CLASP1: variants seen among roughly 807,000 people sequenced by gnomAD.
CLASP1 encodes CLIP-associating protein 1.
A neutral mutation model predicts 192.3 loss-of-function variants in CLASP1; 38 were observed. The observed-to-expected ratio is 0.20, with a 90% confidence interval of 0.15 to 0.26. The LOEUF (loss-of-function observed/expected upper bound fraction) is 0.26. Ranked by LOEUF, CLASP1 falls within the 10% of genes least tolerant of loss-of-function variation. The pLI is 1.00. For missense variants in CLASP1, 1,433 were observed against 1,932.5 expected (o/e 0.74, Z 4.85); for synonymous variants, 691 against 712.8 (o/e 0.97, Z 0.49).
chr2:121,410,919 T>C lies in CLASP1; in HGVS notation c.2371A>G (p.Met791Val), dbSNP rs534675243. 1.2e-5 allele frequency: 19 copies of C among 1,612,164 alleles called. No homozygotes were observed. Among genetic ancestry groups the C allele is most frequent in the Admixed American group, 1.7e-5 (1 of 59,446 alleles). ...TCTGTACTTGTGCTCAGAACTCTCA[T>C]GGCATTCACAGAACCAGGTATTCTT... Residue 791 changes from methionine (M) to valine (V), a missense_variant, in exon 24 of 40, where the codon ATG (methionine) becomes GTG (valine). By Grantham distance (21) the Met-to-Val change is conservative. Around this residue, in one of 8 missense-constraint regions of CLASP1, gnomAD observed 445 missense variants for 535.5 expected, o/e 0.83. Coordinates refer to ENST00000263710, the Ensembl canonical transcript of CLASP1.
At chr2:121,589,540 G>T (rs547488073) in intron 2 of CLASP1, among the ~76,000 whole-genome samples, 1 of 150,718 alleles carries the variant, frequency 6.6e-6, no homozygotes, top group East Asian at 2.0e-4. Flanking sequence ...TGAGGCAGGA[G>T]AATTGCTTGA....
intron 33 of CLASP1, among the ~76,000 whole-genome samples, chr2:121,378,794 G>GT (rs1201879864): frequency 1.3e-5 from 2 of 152,108 alleles, no homozygotes; most frequent in African/African-American, 4.8e-5. Flanking sequence ...ATGCAACACT[G>GT]TTTAAGGACT....
chr2:121,582,609 G>C (rs1248185973), intron 2 of CLASP1, among the ~76,000 whole-genome samples: 3 of 149,382 alleles, frequency 2.0e-5, no homozygotes, highest in African/African-American at 7.4e-5. Flanking sequence ...GGAGGGAAGA[G>C]AAAAGGAAAG....
Position 121,530,900 on chromosome 2 carries a change from T to A in CLASP1, c.196-575A>T, listed in dbSNP as rs966589874. ...ATTATAACCATCCTTTTCTTGGGGTTGCGCTACTGTCCAATGAGCGCATAG... is the reference window on the plus strand; with the variant it reads ...ATTATAACCATCCTTTTCTTGGGGTAGCGCTACTGTCCAATGAGCGCATAG... On this transcript the variant is annotated intron_variant, in intron 2 of 39. Transcript: ENST00000263710. 1.4e-6 allele frequency: 1 copy of A among 695,668 alleles called. No individual in the cohort carries two copies. The highest frequency in any genetic ancestry group is 2.0e-5 in the Admixed American group (1 of 49,864). 43.1% of individuals were successfully genotyped at this position (695,668 alleles called of 1,614,324 possible). A position where few individuals can be genotyped will look rare whatever the true frequency, so the allele number is the denominator to read the frequency against.
chr2:121,478,770 CCCACACA>C (rs2092088204), intron 8 of CLASP1, among the ~76,000 whole-genome samples: 1 of 29,976 alleles, frequency 3.3e-5, no homozygotes, highest in Non-Finnish European at 6.8e-5. Context: ...CACCACACAC[CCCACACA>C]CACACCCCAC....
chr2:121,593,072 G>C (rs1395260527), intron 2 of CLASP1, among the ~76,000 whole-genome samples: 1 of 152,108 alleles, frequency 6.6e-6, no homozygotes, highest in East Asian at 1.9e-4. Flanking sequence ...TAGAAAGAGG[G>C]GAAAAAAGTA....
intron 3 of CLASP1, 73 bp downstream of exon 3, chr2:121,530,174 G>T: frequency 1.5e-6 from 2 of 1,359,860 alleles, no homozygotes; most frequent in Non-Finnish European, 2.0e-6. Context: ...GGGAGGGTTT[G>T]GGAGCCGGGG....
intron 34 of CLASP1, among the ~76,000 whole-genome samples, chr2:121,376,145 A>T (rs2070062339): frequency 6.6e-6 from 1 of 152,192 alleles, no homozygotes; most frequent in Non-Finnish European, 1.5e-5. Context: ...CTAAAAATGG[A>T]ACTACCACAC....
intron 32 of CLASP1, among the ~76,000 whole-genome samples, chr2:121,384,901 T>G (rs1450194489): frequency 1.3e-5 from 2 of 152,118 alleles, no homozygotes; most frequent in African/African-American, 4.8e-5. Flanking sequence ...AATTAATTAA[T>G]TAATTTGACT....
chr2:121,580,490 G>C (rs952608645), intron 2 of CLASP1, among the ~76,000 whole-genome samples: 2 of 152,030 alleles, frequency 1.3e-5, no homozygotes, highest in Non-Finnish European at 2.9e-5. Context: ...TTTCTTTCCA[G>C]ATCATTTTTC....
intron 2 of CLASP1, among the ~76,000 whole-genome samples, chr2:121,582,180 A>C (rs995440877): frequency 9.2e-5 from 14 of 151,864 alleles, no homozygotes; most frequent in Admixed American, 8.5e-4. Context: ...AAGGAAGGAA[A>C]AAAAGGAAAA....
At chr2:121,419,266 G>A (rs2079098808) in intron 22 of CLASP1, among the ~76,000 whole-genome samples, 1 of 152,182 alleles carries the variant, frequency 6.6e-6, no homozygotes, top group Admixed American at 6.5e-5. Flanking sequence ...ACCAAGAGAA[G>A]CCATAAGAGT....
intron 1 of CLASP1, among the ~76,000 whole-genome samples, chr2:121,607,064 G>T (rs187660652): frequency 6.6e-6 from 1 of 150,474 alleles, no homozygotes; most frequent in Non-Finnish European, 1.5e-5. Flanking sequence ...AAAAAAGGCC[G>T]GGTACGGTGG....
chr2:121,530,729 C>G (rs2094764269), intron 2 of CLASP1: 2 of 515,818 alleles, frequency 3.9e-6, no homozygotes, highest in African/African-American at 3.8e-5. Flanking sequence ...TCGGGAGCCT[C>G]AGAAAACAAA....
At chr2:121,370,865 A>G (rs562127170) in intron 34 of CLASP1, among the ~76,000 whole-genome samples, 1 of 152,196 alleles carries the variant, frequency 6.6e-6, no homozygotes, top group Non-Finnish European at 1.5e-5. Context: ...TCATCACAGT[A>G]TTTTTACACT....
chr2:121,448,423 CA>C (rs1425421308), intron 17 of CLASP1, 98 bp from the exon 18 acceptor site: 1 of 1,154,122 alleles, frequency 8.7e-7, no homozygotes, highest in African/African-American at 1.5e-5. Flanking sequence ...AGAATTATTT[CA>C]GAGTTTTCAG....
intron 2 of CLASP1, among the ~76,000 whole-genome samples, chr2:121,536,330 G>A (rs568970802): frequency 2.9e-5 from 4 of 135,642 alleles, no homozygotes; most frequent in Admixed American, 2.3e-4. Context: ...GCAGTGAGCC[G>A]AGATTGTGCC....
intron 37 of CLASP1, among the ~76,000 whole-genome samples, chr2:121,360,542 A>G (rs1445983359): frequency 6.6e-6 from 1 of 152,086 alleles, no homozygotes; most frequent in African/African-American, 2.4e-5. Context: ...AAATGGCAAG[A>G]AGGAATGGGA....
At chr2:121,357,419 C>A (rs1182399933) in intron 37 of CLASP1, among the ~76,000 whole-genome samples, 1 of 152,148 alleles carries the variant, frequency 6.6e-6, no homozygotes, top group Non-Finnish European at 1.5e-5. Flanking sequence ...ACCTGCCCCC[C>A]ACCTCCCACC....
Sources: allele counts gnomAD v4.1 joint callset (sites outside exome capture counted in the v4.1 genomes callset), GRCh38; gene constraint gnomAD v4.1.1; regional missense constraint gnomAD v4.1.1; transcripts MANE v1.5; gene names NCBI Gene and HGNC (gene_info 2026-07-23, HGNC 2026-07-21).